CEP63: variants seen among roughly 807,000 people sequenced by gnomAD.
The protein encoded by CEP63 is centrosomal protein 63, also known as centrosomal protein of 63 kDa.
In CEP63, 84 loss-of-function variants were observed where a neutral mutation model predicts 89.1. The ratio of observed to expected loss-of-function variants is 0.94; its 90% CI spans 0.79 to 1.13. CEP63 has a LOEUF of 1.13. Ranked by LOEUF, CEP63 falls within the 50% of genes most tolerant of loss-of-function variation. The probability of loss-of-function intolerance (pLI) is 0.00; values close to 1 mark genes in which losing one functional copy is unlikely to be tolerated. For missense variants in CEP63, 838 were observed against 813.3 expected, an observed-to-expected ratio of 1.03 and a Z score of -0.37; for synonymous variants, 267 against 272.5, an observed-to-expected ratio of 0.98 and a Z score of 0.20.
At chr3:134,560,943 G>A (rs1282357438) in intron 14 of CEP63, among the ~76,000 whole-genome samples, 1 of 152,188 alleles carries the variant, frequency 6.6e-6, no homozygotes, top group Admixed American at 6.5e-5. Context: ...TCAGATAAGG[G>A]ACTGTGGACT....
At chr3:134,613,039 GC>G in the CEP63 span, 1 of 154,326 alleles carries the variant, frequency 6.5e-6, no homozygotes, top group African/African-American at 2.4e-5. Flanking sequence ...GAATGTCTGT[GC>G]ATATCACTTT....
At chr3:134,569,474 G>A (rs983246098), downstream of CEP63, among the ~76,000 whole-genome samples, 4 of 152,194 alleles carry the variant, frequency 2.6e-5, no homozygotes, top group South Asian at 4.1e-4. Flanking sequence ...GAAATCCAGC[G>A]GGGCAGTCAA....
At chr3:134,677,738 C>T in the CEP63 span, among the ~76,000 whole-genome samples, 1 of 152,052 alleles carries the variant, frequency 6.6e-6, no homozygotes, top group African/African-American at 2.4e-5. Context: ...GAATCCCTTG[C>T]CTGAGATTCA....
At chr3:134,485,737 C>T (rs1249029162), upstream of CEP63, 1 of 154,460 alleles carries the variant, frequency 6.5e-6, no homozygotes, top group African/African-American at 2.4e-5. Flanking sequence ...GGCTTCCTGC[C>T]TCAGGCAGGA....
intron 3 of CEP63, chr3:134,510,420 G>C (rs1377187542): frequency 8.0e-6 from 2 of 249,580 alleles, no homozygotes; most frequent in Non-Finnish European, 1.6e-5. Context: ...ACTGTAAGCA[G>C]GTATGGAGAG....
At chr3:134,606,646 T>G in the CEP63 span, among the ~76,000 whole-genome samples, 8 of 152,200 alleles carry the variant, frequency 5.3e-5, no homozygotes, top group African/African-American at 1.9e-4. Context: ...GGCTCTGTGG[T>G]GAAGGGGCTA....
At chr3:134,489,265 A>G (rs1345311569) in intron 1 of CEP63, among the ~76,000 whole-genome samples, 1 of 152,096 alleles carries the variant, frequency 6.6e-6, no homozygotes, top group Admixed American at 6.6e-5. Flanking sequence ...CAGTGCAGTT[A>G]TAAAATATTT....
At chr3:134,637,317 C>T in the CEP63 span, among the ~76,000 whole-genome samples, 5 of 152,212 alleles carry the variant, frequency 3.3e-5, no homozygotes, top group African/African-American at 1.2e-4. Context: ...GAGGCATGGG[C>T]CTGTTCTTTT....
Position 134,531,951 on chromosome 3 carries a change from A to C in CEP63, c.318+11A>C, listed in dbSNP as rs1949928545. On this transcript the variant is annotated intron_variant, in intron 4 of 14. Transcript: ENST00000675561. ...AAACTACATGAAGAAGTGAGATTTT[A>C]GTTTTGTTAAATGTTGTGTGTGTAG... The C allele has an allele frequency of 1.3e-6, 2 of 1,583,260 alleles. No individual in the cohort carries two copies.
At chr3:134,652,138 C>A in the CEP63 span, among the ~76,000 whole-genome samples, 21 of 152,236 alleles carry the variant, frequency 1.4e-4, no homozygotes, top group South Asian at 3.9e-3. Context: ...GACCTTGGAC[C>A]AGCCATTTTC....
At chr3:134,763,562 A>G in the CEP63 span, among the ~76,000 whole-genome samples, 6 of 152,252 alleles carry the variant, frequency 3.9e-5, no homozygotes, top group South Asian at 6.2e-4. Flanking sequence ...TGCCCAGTAC[A>G]TGTTTTCATC....
At chr3:134,732,920 A>G in the CEP63 span, among the ~76,000 whole-genome samples, 1 of 152,220 alleles carries the variant, frequency 6.6e-6, no homozygotes, top group East Asian at 1.9e-4. Flanking sequence ...CAGAGAGAAA[A>G]TAAAATATAT....
At chr3:134,781,854 T>C in the CEP63 span, among the ~76,000 whole-genome samples, 1 of 152,218 alleles carries the variant, frequency 6.6e-6, no homozygotes, top group African/African-American at 2.4e-5. Context: ...GCTTTCTTTC[T>C]TTCTGTCCTC....
chr3:134,695,892 A>T, the CEP63 span, among the ~76,000 whole-genome samples: 31 of 152,340 alleles, frequency 2.0e-4, no homozygotes, highest in African/African-American at 7.2e-4. Context: ...ATCTGGGGAC[A>T]TAGTCCCAGT....
chr3:134,741,338 T>C, the CEP63 span, among the ~76,000 whole-genome samples: 2 of 152,186 alleles, frequency 1.3e-5, no homozygotes, highest in Non-Finnish European at 2.9e-5. Context: ...TGACAGCTGA[T>C]CTGAAGAGCC....
At chr3:134,660,981 G>A in the CEP63 span, among the ~76,000 whole-genome samples, 2 of 152,156 alleles carry the variant, frequency 1.3e-5, no homozygotes, top group Non-Finnish European at 2.9e-5. Flanking sequence ...GTGAGGATAT[G>A]GGCAAGGCTG....
chr3:134,611,938 T>C, the CEP63 span, among the ~76,000 whole-genome samples: 1 of 152,374 alleles, frequency 6.6e-6, no homozygotes, highest in African/African-American at 2.4e-5. Context: ...ATATTACTAA[T>C]ACATATCACT....
the CEP63 span, among the ~76,000 whole-genome samples, chr3:134,669,763 T>TA: frequency 6.6e-6 from 1 of 152,306 alleles, no homozygotes; most frequent in Admixed American, 6.5e-5. Context: ...CAGTACATGT[T>TA]AAAAAGATGG....
chr3:134,487,030 T>A (rs978942529), intron 1 of CEP63, among the ~76,000 whole-genome samples: 10 of 152,344 alleles, frequency 6.6e-5, no homozygotes, highest in East Asian at 3.9e-4. Context: ...CACCGTACGC[T>A]GATATGCACA....
Sources: gnomAD v4.1 joint callset for allele counts (sites outside exome capture counted in the v4.1 genomes callset) on GRCh38, gnomAD v4.1.1 for gene constraint, MANE v1.5 for transcripts, NCBI Gene and HGNC (gene_info 2026-07-23, HGNC 2026-07-21) for gene names.